The following CPVL variants were observed in gnomAD, a reference collection of about 807,000 sequenced individuals.
CPVL encodes carboxypeptidase vitellogenic like, also known as probable serine carboxypeptidase CPVL.
In CPVL, 51 loss-of-function variants were observed where a neutral mutation model predicts 63.7. That is an observed-to-expected ratio of 0.80 (90% CI 0.64 to 1.01). The LOEUF is 1.01. Ranked by LOEUF, CPVL falls within the 50% of genes least tolerant of loss-of-function variation. CPVL has a pLI of 0.00. For missense variants in CPVL, 530 were observed against 573.1 expected (o/e 0.92, Z 0.77); for synonymous variants, 195 against 206.0 (o/e 0.95, Z 0.46).
rs181656676 is a variant in CPVL, at chr7:29,077,044, A to C, written c.610-4621T>G. The stretch of plus-strand genomic sequence containing the variant: ...AACCTGTAATCGTGTCTTTTGCGTG[A>C]ATCTCTCTTTTCTTTTATGTTTCAA... On this transcript the variant is annotated intron_variant, in intron 7 of 12. Transcript: ENST00000265394. Among the ~76,000 whole-genome samples the C allele has an allele frequency of 2.4e-3, 358 of 152,322 alleles. 1 individual carries two copies. The highest frequency in any genetic ancestry group is 7.4e-3 in the African/African-American group (307 of 41,566).
intron 1 of CPVL, among the ~76,000 whole-genome samples, chr7:29,141,550 A>AAAAAAT (rs1221044608): frequency 4.0e-5 from 6 of 151,778 alleles, no homozygotes; most frequent in African/African-American, 1.5e-4. Context: ...ACTCCATTTC[A>AAAAAAT]AAAAATAAAA....
chr7:29,047,652 T>C (rs1221566419), intron 11 of CPVL, among the ~76,000 whole-genome samples: 1 of 152,196 alleles, frequency 6.6e-6, no homozygotes, highest in East Asian at 1.9e-4. Context: ...CTGGCCTTGC[T>C]AGAGACCTAG....
intron 1 of CPVL, among the ~76,000 whole-genome samples, chr7:29,140,101 AC>A (rs1316739896): frequency 6.6e-6 from 1 of 151,778 alleles, no homozygotes; most frequent in South Asian, 2.1e-4. Flanking sequence ...CAACCTACCT[AC>A]CCTCCCTCAG....
In CPVL at chr7:29,069,770, ATGTGTGTGTGTGTGTGTGTGTGTGTG is replaced by A. The variant is rs70977102; in HGVS notation, c.864+1977_864+2002del. ...CGGCATCCTCTCCACTCACCAGTAA[ATGTGTGTGTGTGTGTGTGTGTGTGTG>A]TGTGTGTGTGTGTGTGTGTGTGTGT... is the stretch of plus-strand genomic sequence containing the variant. On this transcript the variant is annotated intron_variant, in intron 9 of 12. Transcript: ENST00000265394. 5.8e-3 allele frequency among the ~76,000 whole-genome samples: 763 copies of A among 132,340 alleles called. 4 individuals are homozygous for A. The highest frequency in any genetic ancestry group is 8.2e-3 in the Non-Finnish European group (513 of 62,772). 86.8% of individuals were successfully genotyped at this position (132,340 alleles called of 152,430 possible). A position where few individuals can be genotyped will look rare whatever the true frequency, so the allele number is the denominator to read the frequency against.
intron 11 of CPVL, among the ~76,000 whole-genome samples, chr7:29,048,700 C>T (rs924956852): frequency 1.3e-5 from 2 of 152,056 alleles, no homozygotes; most frequent in Non-Finnish European, 1.5e-5. Context: ...CAGAACATTT[C>T]GTCCAACAAC....
At chr7:29,095,538 T>C (rs1446228262) in intron 4 of CPVL, among the ~76,000 whole-genome samples, 2 of 151,318 alleles carry the variant, frequency 1.3e-5, no homozygotes, top group Non-Finnish European at 2.9e-5. Context: ...GCCTTTATAC[T>C]GAGTCACAAA....
intron 1 of CPVL, among the ~76,000 whole-genome samples, chr7:29,190,336 A>G (rs1782730294): frequency 6.6e-6 from 1 of 152,142 alleles, no homozygotes; most frequent in South Asian, 2.1e-4. Context: ...CCACCACTGG[A>G]TTAATCTTGA....
At position 29,121,050 on chromosome 7, in the gene CPVL, G is replaced by A. The variant is rs759345519; in HGVS notation, c.12C>T (p.Ala4=). 1.2e-6 allele frequency: 2 copies of A among 1,600,892 alleles called. No homozygotes were observed. Among genetic ancestry groups the A allele is most frequent in the East Asian group, 2.2e-5 (1 of 44,566 alleles). The change falls in exon 2 of 13, where the codon GCC becomes GCT. Residue 4 remains alanine, a synonymous_variant. Coordinates refer to ENST00000265394, the MANE Select transcript of CPVL (RefSeq NM_031311.5). MVG[A]MWKVIVSLVL... ...CCAGCGAAACAATCACCTTCCACATGGCACCAACCATCTCTCAGGGTCTAG... is the reference window on the plus strand; with the variant it reads ...CCAGCGAAACAATCACCTTCCACATAGCACCAACCATCTCTCAGGGTCTAG...
intron 11 of CPVL, among the ~76,000 whole-genome samples, chr7:29,049,579 C>T (rs186403542): frequency 3.3e-5 from 5 of 152,208 alleles, no homozygotes; most frequent in Admixed American, 3.3e-4. Flanking sequence ...AGAATTCTGC[C>T]AGACATTCAA....
intron 11 of CPVL, among the ~76,000 whole-genome samples, chr7:29,048,917 T>C (rs576435754): frequency 5.3e-5 from 8 of 152,250 alleles, no homozygotes; most frequent in Admixed American, 1.3e-4. Flanking sequence ...AACCTGATCA[T>C]TGGGTCAAAA....
chr7:29,165,234 A>G (rs60315954), intron 5 of CPVL, among the ~76,000 whole-genome samples: 4,667 of 152,208 alleles, frequency 0.031, 259 homozygotes, highest in African/African-American at 0.1. Flanking sequence ...ATGGTTTTTG[A>G]TATAAAGGTC....
intron 11 of CPVL, among the ~76,000 whole-genome samples, chr7:29,031,139 C>T (rs143145392): frequency 5.9e-5 from 9 of 152,310 alleles, no homozygotes; most frequent in South Asian, 2.1e-4. Flanking sequence ...TTAACTTCAA[C>T]TTCAGGCAGT....
intron 7 of CPVL, among the ~76,000 whole-genome samples, chr7:29,081,985 C>G (rs1483709420): frequency 2.6e-5 from 4 of 152,196 alleles, no homozygotes; most frequent in African/African-American, 9.6e-5. Context: ...ATATTTAGGT[C>G]TGGTGCATTT....
intron 1 of CPVL, among the ~76,000 whole-genome samples, chr7:29,135,714 A>G (rs1323666039): frequency 2.0e-5 from 3 of 151,942 alleles, no homozygotes; most frequent in Non-Finnish European, 4.4e-5. Context: ...ATTTTTACAG[A>G]TAGGGTCTCA....
At chr7:29,137,872 T>C (rs1791413910) in intron 1 of CPVL, among the ~76,000 whole-genome samples, 1 of 152,112 alleles carries the variant, frequency 6.6e-6, no homozygotes, top group Non-Finnish European at 1.5e-5. Context: ...AGAAATAGGA[T>C]GGAATCTAGA....
At position 29,072,440 on chromosome 7, in the gene CPVL, T is replaced by A; in HGVS notation, c.610-17A>T. ...TGCATAAGACTGAGAAGGACAGATG[T>A]TGAAATGGCCAATCACAAATGGATG... On this transcript the variant is annotated splice_polypyrimidine_tract_variant and intron_variant, in intron 7 of 12. Coordinates refer to ENST00000265394, the MANE Select transcript of CPVL (RefSeq NM_031311.5). 2 of 1,609,118 alleles carry A rather than the reference T, an allele frequency of 1.2e-6. No homozygotes were observed. Among genetic ancestry groups the A allele is most frequent in the Non-Finnish European group, 1.7e-6 (2 of 1,177,938 alleles).
intron 12 of CPVL, among the ~76,000 whole-genome samples, chr7:28,997,683 C>T (rs951352471): frequency 6.6e-6 from 1 of 152,110 alleles, no homozygotes; most frequent in Non-Finnish European, 1.5e-5. Flanking sequence ...ATGCAAACAC[C>T]GGTGTGGTGT....
chr7:29,138,616 G>A (rs1212211281), intron 1 of CPVL, among the ~76,000 whole-genome samples: 1 of 152,110 alleles, frequency 6.6e-6, no homozygotes, highest in Non-Finnish European at 1.5e-5. Context: ...ATCCCTGGGA[G>A]TGAAAATCAG....
intron 1 of CPVL, chr7:29,128,241 G>A (rs1790277974): frequency 6.7e-6 from 1 of 149,086 alleles, no homozygotes; most frequent in Admixed American, 6.8e-5. Context: ...CTGCTCCTAG[G>A]TAGGGATTTC....
Sources: allele counts gnomAD v4.1 joint callset (sites outside exome capture counted in the v4.1 genomes callset), GRCh38; gene constraint gnomAD v4.1.1; transcripts MANE v1.5; gene names NCBI Gene and HGNC (gene_info 2026-07-23, HGNC 2026-07-21).